FUT9: variants seen among roughly 807,000 people sequenced by gnomAD.
FUT9 encodes the protein fucosyltransferase 9, also known as 4-galactosyl-N-acetylglucosaminide 3-alpha-L-fucosyltransferase 9.
Under a neutral mutation model 29.7 loss-of-function variants are expected in FUT9, and 15 were observed. That is an observed-to-expected ratio of 0.51 (90% CI 0.34 to 0.78). The LOEUF (loss-of-function observed/expected upper bound fraction) is 0.78, where lower values mean the gene tolerates loss of function less well. Ranked by LOEUF, FUT9 falls within the 30% of genes least tolerant of loss-of-function variation. FUT9 has a pLI of 0.01. For missense variants in FUT9, 319 were observed against 425.4 expected (o/e 0.75, Z 2.20); for synonymous variants, 169 against 153.7 (o/e 1.10, Z -0.74).
intron 1 of FUT9, among the ~76,000 whole-genome samples, chr6:96,072,409 G>A (rs1347871290): frequency 6.6e-6 from 1 of 152,120 alleles, no homozygotes; most frequent in Non-Finnish European, 1.5e-5. Flanking sequence ...GCATCACTTT[G>A]TAGATTGCAT....
In FUT9 at chr6:96,056,420, A is replaced by T. The variant is rs1482397621; in HGVS notation, c.-98+40208A>T. Among the ~76,000 whole-genome samples, 3 of 152,216 alleles carry T rather than the reference A, an allele frequency of 2.0e-5. No individual in the cohort carries two copies. In the East Asian group the frequency reaches 5.8e-4, roughly 29 times the overall value. ...ACTACAAACAGGCATATCTGCTTTT[A>T]GTTTTCTTTTATTAATTGTTTATGT... On this transcript the variant is annotated intron_variant, in intron 1 of 2. Transcript: ENST00000302103.
chr6:96,162,081 C>T (rs749509249), intron 2 of FUT9, among the ~76,000 whole-genome samples: 2 of 152,104 alleles, frequency 1.3e-5, no homozygotes, highest in African/African-American at 2.4e-5. Context: ...AATTTTTCAT[C>T]TGTTCTTGCG....
intron 2 of FUT9, among the ~76,000 whole-genome samples, chr6:96,162,238 CCT>C (rs1287255145): frequency 2.0e-5 from 3 of 151,988 alleles, no homozygotes; most frequent in African/African-American, 7.3e-5. Context: ...TTTTAGCATT[CCT>C]CTTATTTTAT....
intron 2 of FUT9, among the ~76,000 whole-genome samples, chr6:96,165,613 C>T (rs1562148959): frequency 6.6e-6 from 1 of 151,728 alleles, no homozygotes; most frequent in Non-Finnish European, 1.5e-5. Context: ...AAGTGACTGT[C>T]ACTTGTGCAT....
chr6:96,203,077 T>C, intron 2 of FUT9, 71 bp from the exon 3 acceptor site: 1 of 1,104,728 alleles, frequency 9.1e-7, no homozygotes. Flanking sequence ...TTTAAATATA[T>C]CTCCAATATA....
At chr6:96,090,060 C>T (rs1166787145) in intron 1 of FUT9, among the ~76,000 whole-genome samples, 1 of 151,768 alleles carries the variant, frequency 6.6e-6, no homozygotes, top group Admixed American at 6.6e-5. Flanking sequence ...ATGAAAAACC[C>T]CCCAAATTAA....
At chr6:96,028,742 T>C (rs1770209934) in intron 1 of FUT9, among the ~76,000 whole-genome samples, 2 of 151,530 alleles carry the variant, frequency 1.3e-5, no homozygotes, top group African/African-American at 2.4e-5. Context: ...CTAGGAGAAC[T>C]TTGGAACTTT....
chr6:96,155,274 T>C (rs1344485405), intron 2 of FUT9, among the ~76,000 whole-genome samples: 1 of 152,214 alleles, frequency 6.6e-6, no homozygotes, highest in Non-Finnish European at 1.5e-5. Flanking sequence ...GTAAAAGGTC[T>C]TTCTTGTCTT....
At chr6:96,103,829 A>G (rs1771631138) in intron 1 of FUT9, among the ~76,000 whole-genome samples, 1 of 152,180 alleles carries the variant, frequency 6.6e-6, no homozygotes. Flanking sequence ...CATGCTTTTG[A>G]TATACATATA....
chr6:96,121,909 C>T (rs560719133), intron 2 of FUT9, among the ~76,000 whole-genome samples: 1 of 152,034 alleles, frequency 6.6e-6, no homozygotes, highest in South Asian at 2.1e-4. Flanking sequence ...TTTATGAGAG[C>T]ACAAGATCAA....
rs979030674 is a variant in FUT9, at chr6:96,133,133, A to G, written c.-9+19006A>G. On this transcript the variant is annotated intron_variant, in intron 2 of 2. Transcript: ENST00000302103. The stretch of plus-strand genomic sequence containing the variant: ...TCCCCAGGGCACTTTTTTAAAAATA[A>G]TAATAACAACAATATTCTTGTCTTT... 2.0e-5 allele frequency among the ~76,000 whole-genome samples: 3 copies of G among 151,870 alleles called. No individual in the cohort carries two copies. In the East Asian group the frequency reaches 5.8e-4, roughly 29 times the overall value.
intron 2 of FUT9, among the ~76,000 whole-genome samples, chr6:96,193,975 T>C (rs891166807): frequency 6.6e-6 from 1 of 152,138 alleles, no homozygotes; most frequent in African/African-American, 2.4e-5. Context: ...ACACTGCATG[T>C]TCTCACTCAT....
At chr6:96,051,485 T>A in intron 1 of FUT9, among the ~76,000 whole-genome samples, 1 of 150,034 alleles carries the variant, frequency 6.7e-6, no homozygotes, top group Non-Finnish European at 1.5e-5. Context: ...ACCCCAACTC[T>A]AAAAAAAAAT....
intron 1 of FUT9, among the ~76,000 whole-genome samples, chr6:96,025,812 A>G (rs1233197931): frequency 2.0e-5 from 3 of 151,716 alleles, no homozygotes; most frequent in African/African-American, 4.8e-5. Flanking sequence ...TCTGCTCACA[A>G]CTTAACATGA....
chr6:96,110,690 A>G (rs950552341), intron 1 of FUT9, among the ~76,000 whole-genome samples: 7 of 152,168 alleles, frequency 4.6e-5, no homozygotes, highest in Middle Eastern at 6.8e-3. Context: ...TTTTAAGGGT[A>G]TCATTCTGTT....
intron 1 of FUT9, among the ~76,000 whole-genome samples, chr6:96,043,207 A>G (rs569989435): frequency 2.2e-3 from 336 of 151,986 alleles, no homozygotes; most frequent in Admixed American, 3.9e-3. Context: ...GCCCACCACC[A>G]CGCCCGGCTA....
intron 1 of FUT9, among the ~76,000 whole-genome samples, chr6:96,091,435 T>G (rs898028195): frequency 1.1e-4 from 17 of 152,118 alleles, no homozygotes; most frequent in African/African-American, 3.9e-4. Flanking sequence ...GAATCTTCAT[T>G]ATCATATCTT....
rs143497397 is a variant in FUT9 at position 96,123,752 on chromosome 6, A to T, written c.-9+9625A>T. 2.0e-5 allele frequency among the ~76,000 whole-genome samples: 3 copies of T among 152,256 alleles called. No individual in the cohort carries two copies. The East Asian group carries it at 5.8e-4, about 30-fold the overall frequency. On this transcript the variant is annotated intron_variant, in intron 2 of 2. Coordinates refer to ENST00000302103, the MANE Select transcript of FUT9 (RefSeq NM_006581.4). ...CTACCATAGCTACAGAAAAATATCAATCATTTCCTAGGAGCGTGGGGACAT... is the reference window on the plus strand; with the variant it reads ...CTACCATAGCTACAGAAAAATATCATTCATTTCCTAGGAGCGTGGGGACAT...
chr6:96,183,776 C>T (rs1335426500), intron 2 of FUT9, among the ~76,000 whole-genome samples: 1 of 152,082 alleles, frequency 6.6e-6, no homozygotes, highest in East Asian at 1.9e-4. Flanking sequence ...ACCATCCCTG[C>T]ATCCCTGGTA....
Sources: gnomAD v4.1 joint callset for allele counts (sites outside exome capture counted in the v4.1 genomes callset) on GRCh38, gnomAD v4.1.1 for gene constraint, MANE v1.5 for transcripts, NCBI Gene and HGNC (gene_info 2026-07-23, HGNC 2026-07-21) for gene names.